VPS13B: variants seen among roughly 807,000 people sequenced by gnomAD.
VPS13B encodes vacuolar protein sorting 13 homolog B.
A neutral mutation model predicts 426.4 loss-of-function variants in VPS13B; 285 were observed. That is an observed-to-expected ratio of 0.67 (90% CI 0.61 to 0.74). The LOEUF (loss-of-function observed/expected upper bound fraction) is 0.74, where lower values mean the gene tolerates loss of function less well. Among genes scored for constraint, VPS13B ranks in the 30% least tolerant of loss-of-function variants. VPS13B has a pLI of 0.00. For missense variants in VPS13B, 4,537 were observed against 4,782.6 expected, an observed-to-expected ratio of 0.95 and a Z score of 1.51; for synonymous variants, 1,676 against 1,676.4, an observed-to-expected ratio of 1.00 and a Z score of 0.01.
intron 35 of VPS13B, among the ~76,000 whole-genome samples, chr8:99,687,753 G>A (rs780262100): frequency 4.6e-5 from 7 of 152,132 alleles, no homozygotes; most frequent in South Asian, 4.1e-4. Context: ...CTTTCCTACC[G>A]TCTTCAGTAC....
chr8:99,859,277 T>A lies in VPS13B; in HGVS notation c.10868-27T>A, dbSNP rs781132916. The A allele has an allele frequency of 3.1e-6, 5 of 1,612,690 alleles. No individual in the cohort carries two copies. In the South Asian group the frequency reaches 5.5e-5, roughly 18 times the overall value. ...GAAAGTTCTGCATTTGAGGTTTCAATCACCCCTTCCCTCTTGTGCGTTGCA... is the reference window on the plus strand; with the variant it reads ...GAAAGTTCTGCATTTGAGGTTTCAAACACCCCTTCCCTCTTGTGCGTTGCA... On this transcript the variant is annotated intron_variant, in intron 56 of 61. Transcript: ENST00000357162.
intron 33 of VPS13B, among the ~76,000 whole-genome samples, chr8:99,597,427 G>A (rs1827074137): frequency 6.6e-6 from 1 of 152,174 alleles, no homozygotes. Context: ...GTGTTAGAGA[G>A]AGAAAAAGAG....
intron 3 of VPS13B, among the ~76,000 whole-genome samples, chr8:99,059,310 G>A (rs1844050811): frequency 6.6e-6 from 1 of 152,102 alleles, no homozygotes; most frequent in Non-Finnish European, 1.5e-5. Context: ...GCTAATTTTT[G>A]TATTTTTTGT....
intron 39 of VPS13B, among the ~76,000 whole-genome samples, chr8:99,738,022 C>CT: frequency 6.6e-6 from 1 of 152,324 alleles, no homozygotes; most frequent in East Asian, 1.9e-4. Context: ...TTTGGGGAGT[C>CT]TCACTATATA....
rs1814523122 is a variant in VPS13B at position 99,823,966 on chromosome 8, T to C, written c.9318T>C (p.His3106=). Residue 3106 remains histidine (H), a synonymous_variant, in exon 51 of 62, where the codon CAT becomes CAC. Transcript: ENST00000357162. ...YKPQLSVCNP[H]SGKEYFRVPD... ...CACAGCTATCTGTCTGCAATCCCCA[T>C]TCTGGAAAGGAGGTAAGCAAATCAT... 6 of 1,612,588 alleles carry C rather than the reference T, an allele frequency of 3.7e-6. 1 individual carries two copies. Among genetic ancestry groups the C allele is most frequent in the Non-Finnish European group, 5.1e-6 (6 of 1,179,812 alleles).
intron 30 of VPS13B, chr8:99,528,076 G>A (rs558067012): frequency 3.3e-5 from 5 of 152,124 alleles, no homozygotes; most frequent in Middle Eastern, 3.4e-3. Flanking sequence ...ATGAAAACAA[G>A]TCTCAGAACC....
intron 19 of VPS13B, among the ~76,000 whole-genome samples, chr8:99,306,715 C>T (rs1002218974): frequency 2.0e-5 from 3 of 151,974 alleles, no homozygotes; most frequent in African/African-American, 4.8e-5. Context: ...GATCATCAGC[C>T]AGTTTGTCTT....
chr8:99,496,157 C>T (rs1820870529), intron 25 of VPS13B, among the ~76,000 whole-genome samples: 1 of 152,162 alleles, frequency 6.6e-6, no homozygotes. Flanking sequence ...CTGCCACACT[C>T]ACTGTTGCAT....
intron 31 of VPS13B, among the ~76,000 whole-genome samples, chr8:99,568,763 A>G (rs1193610103): frequency 1.1e-4 from 16 of 151,706 alleles, no homozygotes. Flanking sequence ...TTTAGGAATA[A>G]CTACTGTAAG....
chr8:99,147,695 G>T (rs567924696), intron 13 of VPS13B, 146 bp from the exon 14 acceptor site: 1 of 378,344 alleles, frequency 2.6e-6, no homozygotes, highest in South Asian at 8.6e-5. Flanking sequence ...ATTTGTTAAA[G>T]GTAACTTATT....
chr8:99,780,893 T>C (rs184009075), intron 42 of VPS13B, among the ~76,000 whole-genome samples: 17 of 152,322 alleles, frequency 1.1e-4, no homozygotes, highest in Non-Finnish European at 2.1e-4. Context: ...GTTCTGAATG[T>C]GGTTTATCCC....
rs182068483 is a variant in VPS13B, at chr8:99,602,814, A to G, written c.5220+25181A>G. Among the ~76,000 whole-genome samples the G allele has an allele frequency of 6.2e-3, 950 of 152,308 alleles. 7 individuals are homozygous for G. The highest frequency in any genetic ancestry group is 0.021 in the African/African-American group (891 of 41,562). On this transcript the variant is annotated intron_variant, in intron 33 of 61. Coordinates refer to ENST00000357162, the MANE Select transcript of VPS13B (RefSeq NM_152564.5). The stretch of plus-strand genomic sequence containing the variant: ...AGAGAATAAAATACCTAGGAATCCA[A>G]CTTATAAGGGATGTGAAGGACCTCT...
chr8:99,287,016 C>T (rs1563647934), intron 19 of VPS13B, among the ~76,000 whole-genome samples: 1 of 152,132 alleles, frequency 6.6e-6, no homozygotes, highest in South Asian at 2.1e-4. Context: ...TTTGCCAATA[C>T]CTGGAACGTG....
At chr8:99,055,989 C>T (rs1244440919) in intron 3 of VPS13B, among the ~76,000 whole-genome samples, 3 of 151,190 alleles carry the variant, frequency 2.0e-5, no homozygotes, top group Non-Finnish European at 2.9e-5. Context: ...GATCTTCCCA[C>T]CTTGTCCTCC....
At chr8:99,437,412 A>AATAT (rs1554790776) in intron 22 of VPS13B, among the ~76,000 whole-genome samples, 6 of 151,032 alleles carry the variant, frequency 4.0e-5, no homozygotes, top group African/African-American at 1.2e-4. Flanking sequence ...TTTAAAAAAA[A>AATAT]ATATATATAT....
chr8:99,193,000 A>G lies in VPS13B; in HGVS notation c.2458A>G (p.Asn820Asp). 1 of 1,613,786 alleles carries G rather than the reference A, an allele frequency of 6.2e-7. No homozygotes were observed. The highest frequency in any genetic ancestry group is 8.5e-7 in the Non-Finnish European group (1 of 1,179,832). The stretch of plus-strand genomic sequence containing the variant: ...ATATCAAAGTTGGTCTCATCTTGGA[A>G]ATGTCAGCTCTTCCGCAGTGATTGA... The part of the protein sequence containing the change: ...AIYQSWSHLG[N>D]VSSSAVIEAL... Residue 820 changes from asparagine (N) to aspartate (D), a missense_variant, in exon 17 of 62, where the codon AAT becomes GAT. Coordinates refer to ENST00000357162, the MANE Select transcript of VPS13B (RefSeq NM_152564.5).
rs112380874 is a variant in VPS13B at position 99,287,014 on chromosome 8, T to C, written c.2824+11760T>C. ...TCCTTTCAGCCAGCTGCTTTGCCAA[T>C]ACCTGGAACGTGCCAGAATAAGGCT... On this transcript the variant is annotated intron_variant, in intron 19 of 61. Transcript: ENST00000357162. 6.3e-4 allele frequency among the ~76,000 whole-genome samples: 96 copies of C among 152,258 alleles called. 2 individuals are homozygous for C. The South Asian group carries it at 8.5e-3, about 13-fold the overall frequency.
chr8:99,372,552 CAT>C (rs1236456129), intron 19 of VPS13B, among the ~76,000 whole-genome samples: 3 of 152,252 alleles, frequency 2.0e-5, no homozygotes, highest in Admixed American at 6.5e-5. Flanking sequence ...GGCCAACAAA[CAT>C]ATGAAAAAAA....
chr8:99,535,903 G>A (rs1037017051), intron 30 of VPS13B, among the ~76,000 whole-genome samples: 5 of 151,700 alleles, frequency 3.3e-5, no homozygotes, highest in Non-Finnish European at 4.4e-5. Context: ...TAATTTCTGA[G>A]CCAATGTCAG....
Sources: gnomAD v4.1 joint callset for allele counts (sites outside exome capture counted in the v4.1 genomes callset) on GRCh38, gnomAD v4.1.1 for gene constraint, MANE v1.5 for transcripts, NCBI Gene and HGNC (gene_info 2026-07-23, HGNC 2026-07-21) for gene names.